GABPB1: variants seen among roughly 807,000 people sequenced by gnomAD.
The protein encoded by GABPB1 is GA binding protein transcription factor subunit beta 1.
In GABPB1, 15 loss-of-function variants were observed where a neutral mutation model predicts 45.9. That is an observed-to-expected ratio of 0.33 (90% CI 0.22 to 0.50). GABPB1 has a LOEUF of 0.50. GABPB1 is among the 20% of genes least tolerant of loss of function. GABPB1 has a pLI of 0.98. For missense variants in GABPB1, 252 were observed against 457.5 expected (o/e 0.55, Z 4.10); for synonymous variants, 143 against 154.4 (o/e 0.93, Z 0.55).
chr15:50,341,540 A>T (rs543339449), intron 1 of GABPB1, among the ~76,000 whole-genome samples: 67 of 152,254 alleles, frequency 4.4e-4, no homozygotes, highest in African/African-American at 1.6e-3. Flanking sequence ...TCTCAAAAAA[A>T]AAAAGAAAAT....
chr15:50,354,620 T>G (rs774090012), intron 1 of GABPB1: 14 of 443,150 alleles, frequency 3.2e-5, no homozygotes, highest in Non-Finnish European at 4.9e-5. Context: ...CTCCGCTGCC[T>G]CGGCGCGACC....
At chr15:50,352,959 A>C (rs2048904266) in intron 1 of GABPB1, 1 of 151,456 alleles carries the variant, frequency 6.6e-6, no homozygotes, top group South Asian at 2.1e-4. Flanking sequence ...AACTCTAAGG[A>C]TATGTCTCTG....
At chr15:50,353,651 T>C (rs1026150862) in intron 1 of GABPB1, 1 of 151,802 alleles carries the variant, frequency 6.6e-6, no homozygotes, top group Admixed American at 6.6e-5. Flanking sequence ...AGCCTGAAAA[T>C]GGAAGTATCA....
chr15:50,338,187 G>A (rs1016656507), intron 1 of GABPB1, among the ~76,000 whole-genome samples: 19 of 145,822 alleles, frequency 1.3e-4, no homozygotes, highest in Non-Finnish European at 7.7e-5. Flanking sequence ...TTACAGGCAC[G>A]TGCCACCACA....
chr15:50,308,184 T>TGTGGATATGCTCACTTTTCCTATGTG (rs1461863690), intron 2 of GABPB1, among the ~76,000 whole-genome samples: 13 of 152,260 alleles, frequency 8.5e-5, no homozygotes, highest in Non-Finnish European at 1.8e-4. Flanking sequence ...CACTTTCCTT[T>TGTGGATATGCTCACTTTTCCTATGTG]GAATTTCATT....
intron 1 of GABPB1, among the ~76,000 whole-genome samples, chr15:50,346,592 T>TTTG (rs1567552248): frequency 1.4e-5 from 2 of 147,490 alleles, no homozygotes; most frequent in South Asian, 2.2e-4. Flanking sequence ...AGAAAGTTTT[T>TTTG]TTTTTTTTTT....
chr15:50,345,663 T>C (rs781215749), intron 1 of GABPB1, among the ~76,000 whole-genome samples: 8 of 152,210 alleles, frequency 5.3e-5, no homozygotes, highest in South Asian at 2.1e-4. Flanking sequence ...GTAGCAGCAG[T>C]TCATCAAAAT....
rs566385363 is a variant in GABPB1 at position 50,327,471 on chromosome 15, A to G, written c.1-17673T>C. ...CAATTGTATTCAATCAAACATTTCTATATTTGAACCTCTACATAGTACCTG... is the reference window on the plus strand; with the variant it reads ...CAATTGTATTCAATCAAACATTTCTGTATTTGAACCTCTACATAGTACCTG... On this transcript the variant is annotated intron_variant, in intron 1 of 8. Transcript: ENST00000380877. 2.6e-5 allele frequency: 4 copies of G among 152,266 alleles called. No homozygotes were observed. The South Asian group carries it at 6.2e-4, about 24-fold the overall frequency. The allele number at this position is 152,266 out of a possible 1,614,324, so 9.4% of individuals were successfully genotyped here.
chr15:50,278,904 G>T (rs1595720113), intron 8 of GABPB1, 120 bp from the exon 9 acceptor site: 9 of 718,410 alleles, frequency 1.3e-5, no homozygotes, highest in Non-Finnish European at 1.9e-5. Flanking sequence ...GCCACCTATT[G>T]AAATTTCCTA....
At chr15:50,280,231 T>A (rs2045931777) in intron 8 of GABPB1, among the ~76,000 whole-genome samples, 2 of 152,110 alleles carry the variant, frequency 1.3e-5, no homozygotes, top group South Asian at 4.1e-4. Context: ...TCCCAACACT[T>A]CTTCTCCCCT....
At chr15:50,287,323 A>G (rs1171666925) in intron 7 of GABPB1, among the ~76,000 whole-genome samples, 1 of 152,174 alleles carries the variant, frequency 6.6e-6, no homozygotes, top group Non-Finnish European at 1.5e-5. Context: ...CCATTTGGCT[A>G]ATTACAGAAA....
intron 2 of GABPB1, among the ~76,000 whole-genome samples, chr15:50,307,115 T>C (rs866058170): frequency 6.6e-6 from 1 of 152,122 alleles, no homozygotes; most frequent in Non-Finnish European, 1.5e-5. Context: ...ACTATGCACA[T>C]CTCCAAATTT....
intron 4 of GABPB1, among the ~76,000 whole-genome samples, chr15:50,302,643 C>CAAAAAAAA (rs60408137): frequency 1.6e-5 from 1 of 62,186 alleles, no homozygotes; most frequent in Non-Finnish European, 3.1e-5. Context: ...GACTCTGGCT[C>CAAAAAAAA]AAAAAAAAAA....
At chr15:50,281,525 A>G (rs1011414267) in intron 8 of GABPB1, among the ~76,000 whole-genome samples, 8 of 152,296 alleles carry the variant, frequency 5.3e-5, no homozygotes, top group African/African-American at 1.9e-4. Context: ...TGTTTTTTAA[A>G]AGAGAGAAAC....
chr15:50,322,475 G>C (rs371334422), intron 1 of GABPB1, among the ~76,000 whole-genome samples: 2 of 151,952 alleles, frequency 1.3e-5, no homozygotes, highest in African/African-American at 4.8e-5. Context: ...GAATCAAGGA[G>C]ATGGAGGTTG....
chr15:50,331,590 C>CA (rs2047949409), intron 1 of GABPB1, among the ~76,000 whole-genome samples: 7 of 152,262 alleles, frequency 4.6e-5, no homozygotes, highest in African/African-American at 1.4e-4. Flanking sequence ...ATTGAGATTA[C>CA]TAGCAAGTTG....
chr15:50,347,492 C>T (rs1441108135), intron 1 of GABPB1: 2 of 151,986 alleles, frequency 1.3e-5, no homozygotes, highest in Non-Finnish European at 2.9e-5. Flanking sequence ...TTCTCTGCAT[C>T]GTTCCAATTT....
chr15:50,319,218 A>AT (rs998415596), intron 1 of GABPB1, among the ~76,000 whole-genome samples: 6 of 152,232 alleles, frequency 3.9e-5, no homozygotes, highest in Non-Finnish European at 7.3e-5. Context: ...TAGGATTTTC[A>AT]TAAGAAGGCT....
chr15:50,308,664 G>A (rs1472747411), intron 2 of GABPB1, among the ~76,000 whole-genome samples: 1 of 152,194 alleles, frequency 6.6e-6, no homozygotes, highest in East Asian at 1.9e-4. Flanking sequence ...ACAAGTGTGA[G>A]TTCACCTAAT....
Sources: allele counts gnomAD v4.1 joint callset (sites outside exome capture counted in the v4.1 genomes callset), GRCh38; gene constraint gnomAD v4.1.1; transcripts MANE v1.5; gene names NCBI Gene and HGNC (gene_info 2026-07-23, HGNC 2026-07-21).